The following EPHA5 variants were observed in gnomAD, a reference collection of about 807,000 sequenced individuals.
EPHA5 encodes ephrin type-A receptor 5.
Under a neutral mutation model 105.0 loss-of-function variants are expected in EPHA5, and 60 were observed. The observed-to-expected ratio is 0.57, with a 90% confidence interval of 0.46 to 0.71. The LOEUF is 0.71. Ranked by LOEUF, EPHA5 falls within the 30% of genes least tolerant of loss-of-function variation. EPHA5 has a pLI of 0.00. For missense variants in EPHA5, 1,218 were observed against 1,274.7 expected (o/e 0.96, Z 0.68); for synonymous variants, 513 against 449.1 (o/e 1.14, Z -1.80).
At chr4:65,430,765 T>C (rs1724895133) in intron 5 of EPHA5, among the ~76,000 whole-genome samples, 1 of 152,078 alleles carries the variant, frequency 6.6e-6, no homozygotes, top group Non-Finnish European at 1.5e-5. Flanking sequence ...CTAAATAGAG[T>C]GTTACATTTA....
chr4:65,591,408 A>G (rs1434161247), intron 3 of EPHA5, among the ~76,000 whole-genome samples: 1 of 151,968 alleles, frequency 6.6e-6, no homozygotes, highest in Non-Finnish European at 1.5e-5. Context: ...AATAAAATTT[A>G]ACTTTATCAT....
chr4:65,505,827 T>G (rs1222757110), intron 3 of EPHA5, among the ~76,000 whole-genome samples: 1 of 152,072 alleles, frequency 6.6e-6, no homozygotes, highest in Non-Finnish European at 1.5e-5. Context: ...GGGAATTTTT[T>G]TGTGAACTTT....
At chr4:65,639,789 A>T (rs1184898654) in intron 2 of EPHA5, among the ~76,000 whole-genome samples, 1 of 151,996 alleles carries the variant, frequency 6.6e-6, no homozygotes, top group Non-Finnish European at 1.5e-5. Context: ...TGTTCCTCAG[A>T]TTTGATTATC....
intron 1 of EPHA5, among the ~76,000 whole-genome samples, chr4:65,645,445 G>A (rs1748033349): frequency 6.6e-6 from 1 of 152,078 alleles, no homozygotes; most frequent in Admixed American, 6.6e-5. Flanking sequence ...AAACTGATGT[G>A]CATAGGAATT....
At chr4:65,361,316 G>A (rs1717292450) in intron 11 of EPHA5, among the ~76,000 whole-genome samples, 1 of 151,664 alleles carries the variant, frequency 6.6e-6, no homozygotes, top group Non-Finnish European at 1.5e-5. Flanking sequence ...GACATTTTAG[G>A]TCTGAGTGAA....
At chr4:65,509,941 G>A (rs1334029068) in intron 3 of EPHA5, among the ~76,000 whole-genome samples, 1 of 151,966 alleles carries the variant, frequency 6.6e-6, no homozygotes, top group Non-Finnish European at 1.5e-5. Context: ...AGGTGGATCT[G>A]GTAACACAGC....
At chr4:65,425,390 T>C (rs4377641) in intron 5 of EPHA5, among the ~76,000 whole-genome samples, 147,380 of 152,090 alleles carry the variant, frequency 0.97, 71,608 homozygotes, top group Non-Finnish European at 1. Flanking sequence ...TTCTTATTAA[T>C]GAAGCAGGTC....
chr4:65,623,850 T>C (rs761132299), intron 2 of EPHA5, among the ~76,000 whole-genome samples: 3 of 152,206 alleles, frequency 2.0e-5, no homozygotes, highest in Non-Finnish European at 4.4e-5. Flanking sequence ...ATGTGTCTCA[T>C]TTATGCAAAT....
intron 6 of EPHA5, among the ~76,000 whole-genome samples, chr4:65,415,799 C>T (rs1435777905): frequency 2.6e-5 from 4 of 151,928 alleles, no homozygotes; most frequent in Non-Finnish European, 4.4e-5. Context: ...GTGTAATGCT[C>T]TTCCATTATC....
chr4:65,663,203 T>C (rs1307911864), intron 1 of EPHA5, among the ~76,000 whole-genome samples: 5 of 152,098 alleles, frequency 3.3e-5, no homozygotes, highest in African/African-American at 1.2e-4. Flanking sequence ...AGGCAAAACA[T>C]AGACACTTTT....
chr4:65,422,430 T>C (rs1289630804), intron 5 of EPHA5, among the ~76,000 whole-genome samples: 1 of 152,108 alleles, frequency 6.6e-6, no homozygotes, highest in Non-Finnish European at 1.5e-5. Context: ...CCCTCACTGA[T>C]ACCTTTTGCC....
intron 8 of EPHA5, among the ~76,000 whole-genome samples, chr4:65,371,542 T>G (rs912214617): frequency 6.6e-6 from 1 of 152,202 alleles, no homozygotes; most frequent in South Asian, 2.1e-4. Context: ...AAAATATTTA[T>G]GTAGAGATGG....
intron 2 of EPHA5, among the ~76,000 whole-genome samples, chr4:65,616,517 G>T (rs1486088933): frequency 1.3e-5 from 2 of 151,278 alleles, no homozygotes; most frequent in Non-Finnish European, 3.0e-5. Context: ...AGGATGAAAG[G>T]TCAGGAGAAG....
At chr4:65,546,103 G>T (rs143871818) in intron 3 of EPHA5, among the ~76,000 whole-genome samples, 1 of 152,056 alleles carries the variant, frequency 6.6e-6, no homozygotes, top group Non-Finnish European at 1.5e-5. Context: ...GCTTTCATTG[G>T]ATGACCTCTG....
chr4:65,594,345 TC>T (rs1294139887), intron 3 of EPHA5, among the ~76,000 whole-genome samples: 1 of 152,114 alleles, frequency 6.6e-6, no homozygotes, highest in African/African-American at 2.4e-5. Context: ...TAATTCTCCA[TC>T]CATATAACCA....
At chr4:65,602,971 A>C (rs1244568899) in intron 2 of EPHA5, among the ~76,000 whole-genome samples, 1 of 152,096 alleles carries the variant, frequency 6.6e-6, no homozygotes, top group Admixed American at 6.5e-5. Flanking sequence ...ATATATAAAC[A>C]TGGAGACAGA....
intron 14 of EPHA5, among the ~76,000 whole-genome samples, chr4:65,343,552 A>G (rs1281043685): frequency 6.6e-6 from 1 of 152,198 alleles, no homozygotes; most frequent in African/African-American, 2.4e-5. Context: ...TTGCCAAATC[A>G]GCACTTCTAC....
chr4:65,448,278 G>GA (rs981710499), intron 5 of EPHA5, among the ~76,000 whole-genome samples: 7 of 151,096 alleles, frequency 4.6e-5, no homozygotes, highest in Non-Finnish European at 8.9e-5. Flanking sequence ...AAAAAGGACA[G>GA]AAAAAATCAC....
rs977753168 is a variant in EPHA5, at chr4:65,401,130, C to T, written c.1793+3244G>A. Among the ~76,000 whole-genome samples the T allele has an allele frequency of 3.3e-5, 5 of 151,732 alleles. No individual in the cohort carries two copies. The East Asian group carries it at 7.7e-4, about 24-fold the overall frequency. On this transcript the variant is annotated intron_variant, in intron 8 of 16. Transcript: ENST00000613740. ...AGAGATGGGAGCAACATATATAATC[C>T]TATATTTTTACATCTTTCCTAGGAC...
Sources: allele counts gnomAD v4.1 joint callset (sites outside exome capture counted in the v4.1 genomes callset), GRCh38; gene constraint gnomAD v4.1.1; transcripts MANE v1.5; gene names NCBI Gene and HGNC (gene_info 2026-07-23, HGNC 2026-07-21).